The following TMEM263 variants were observed in gnomAD, a reference collection of about 807,000 sequenced individuals.
TMEM263 encodes transmembrane protein 263.
In TMEM263, 5 loss-of-function variants were observed where a neutral mutation model predicts 8.6. The ratio of observed to expected loss-of-function variants is 0.58; its 90% confidence interval spans 0.31 to 1.23. The LOEUF is 1.23. TMEM263 is among the 50% of genes most tolerant of loss of function. The pLI is 0.07. For synonymous variants in TMEM263, 50 were observed against 47.9 expected (o/e 1.04, Z -0.18); for missense variants, 104 against 138.8 (o/e 0.75, Z 1.26).
chr12:106,964,716 T>G (rs1951821039), intron 2 of TMEM263, among the ~76,000 whole-genome samples: 1 of 152,230 alleles, frequency 6.6e-6, no homozygotes, highest in South Asian at 2.1e-4. Flanking sequence ...ATTAAACACA[T>G]GTGCTGCTGG....
At chr12:106,964,645 T>TA (rs1951819978) in intron 2 of TMEM263, among the ~76,000 whole-genome samples, 1 of 152,224 alleles carries the variant, frequency 6.6e-6, no homozygotes, top group Admixed American at 6.5e-5. Context: ...CAGGATAAGA[T>TA]TAGGTGCCAT....
chr12:106,966,941 A>G (rs1951854875), intron 2 of TMEM263, 170 bp from the exon 3 acceptor site: 1 of 562,052 alleles, frequency 1.8e-6, no homozygotes, highest in South Asian at 2.2e-5. Flanking sequence ...AGTATTTATT[A>G]AATGCCGCAG....
intron 2 of TMEM263, 100 bp downstream of exon 2, chr12:106,957,249 AAAAG>A (rs1951711239): frequency 1.2e-6 from 1 of 833,912 alleles, no homozygotes. Flanking sequence ...TAACTTTTTA[AAAAG>A]AAAGGGAGAA....
At position 106,973,108 on chromosome 12, in the gene TMEM263, C is replaced by T. The variant is rs1316608465; in HGVS notation, c.*1717C>T. On this transcript the variant is annotated 3_prime_UTR_variant, in exon 4 of 4. Coordinates refer to ENST00000280756, the MANE Select transcript of TMEM263 (RefSeq NM_152261.4). ...AATCTACAAAGGTTCTTGAACCTTTCTATTATATACAAAACTGAAAAGTCA... is the reference window on the plus strand; with the variant it reads ...AATCTACAAAGGTTCTTGAACCTTTTTATTATATACAAAACTGAAAAGTCA... The T allele has an allele frequency of 6.6e-6, 1 of 151,928 alleles. No individual in the cohort carries two copies. Among genetic ancestry groups the T allele is most frequent in the Non-Finnish European group, 1.5e-5 (1 of 67,954 alleles). The allele number at this position is 151,928 out of a possible 1,614,324, so 9.4% of individuals were successfully genotyped here. A position where few individuals can be genotyped will look rare whatever the true frequency, so the allele number is the denominator to read the frequency against.
chr12:106,962,094 C>G (rs1443100534), intron 2 of TMEM263, among the ~76,000 whole-genome samples: 1 of 151,968 alleles, frequency 6.6e-6, no homozygotes, highest in Non-Finnish European at 1.5e-5. Flanking sequence ...ATTAACTATG[C>G]ATATTTCTAT....
rs1221696607 is a variant in TMEM263, at chr12:106,973,390, T to C, written c.*1999T>C. The C allele has an allele frequency of 6.6e-6, 1 of 152,632 alleles. No homozygotes were observed. Among genetic ancestry groups the C allele is most frequent in the Non-Finnish European group, 1.5e-5 (1 of 68,014 alleles). 9.5% of individuals were successfully genotyped at this position (152,632 alleles called of 1,614,324 possible). A position where few individuals can be genotyped will look rare whatever the true frequency, so the allele number is the denominator to read the frequency against. On this transcript the variant is annotated 3_prime_UTR_variant, in exon 4 of 4. Coordinates refer to ENST00000280756, the MANE Select transcript of TMEM263 (RefSeq NM_152261.4). ...GACTCCACTGTGCTTTGTGTCTGAA[T>C]TTCTCAGTATAGACATTTTGTTTAC... is the stretch of plus-strand genomic sequence containing the variant.
At chr12:106,962,396 T>G (rs1040455493) in intron 2 of TMEM263, among the ~76,000 whole-genome samples, 4 of 152,240 alleles carry the variant, frequency 2.6e-5, no homozygotes, top group Non-Finnish European at 5.9e-5. Context: ...GCATAATGTA[T>G]GTCTTTTGGA....
intron 2 of TMEM263, among the ~76,000 whole-genome samples, chr12:106,961,112 T>G (rs1951769593): frequency 6.6e-6 from 1 of 152,174 alleles, no homozygotes; most frequent in South Asian, 2.1e-4. Context: ...TGGAGTGCAA[T>G]GGCATGATCA....
chr12:106,965,676 A>T (rs1232743151), intron 2 of TMEM263, among the ~76,000 whole-genome samples: 1 of 151,608 alleles, frequency 6.6e-6, no homozygotes, highest in Non-Finnish European at 1.5e-5. Flanking sequence ...TCTCCATAGC[A>T]TATAAATACC....
At chr12:106,958,998 G>A (rs1295736815) in intron 2 of TMEM263, among the ~76,000 whole-genome samples, 1 of 152,224 alleles carries the variant, frequency 6.6e-6, no homozygotes, top group Non-Finnish European at 1.5e-5. Context: ...TTTGTTTCTT[G>A]AATGATTCAC....
chr12:106,967,543 G>T, intron 3 of TMEM263: 1 of 169,728 alleles, frequency 5.9e-6, no homozygotes, highest in Non-Finnish European at 1.2e-5. Flanking sequence ...TTATAGGCGT[G>T]AGCCACCACT....
intron 2 of TMEM263, among the ~76,000 whole-genome samples, chr12:106,962,525 A>G (rs1951792585): frequency 2.0e-5 from 3 of 152,200 alleles, no homozygotes; most frequent in South Asian, 2.1e-4. Context: ...GAGCTGGCCA[A>G]TTAAGGCTGT....
chr12:106,967,246 T>G (rs1951859061), intron 3 of TMEM263, 66 bp downstream of exon 3: 1 of 1,048,132 alleles, frequency 9.5e-7, no homozygotes, highest in Admixed American at 2.5e-5. Context: ...ATAGTTTTTA[T>G]TTTTTACTTA....
intron 2 of TMEM263, among the ~76,000 whole-genome samples, chr12:106,959,976 T>G (rs1470708606): frequency 6.6e-6 from 1 of 152,218 alleles, no homozygotes. Context: ...TAGAGGAATT[T>G]TGATACAACA....
In TMEM263 at chr12:106,971,120, A is replaced by G. The variant is rs766558213; in HGVS notation, c.80A>G (p.His27Arg). The change falls in exon 4 of 4, where the codon CAC becomes CGC. Residue 27 changes from histidine (H) to arginine (R), a missense_variant. By Grantham distance (29) the His-to-Arg change is conservative. Transcript: ENST00000280756. ...CTCTCATTAGGTTCAATGAAAGATC[A>G]CCCACAGCAGCAGCCAGGCATGTTG... ...DEPPEGSMKD[H>R]PQQQPGMLSR... 6.2e-7 allele frequency: 1 copy of G among 1,614,114 alleles called. No individual in the cohort carries two copies. Among genetic ancestry groups the G allele is most frequent in the South Asian group, 1.1e-5 (1 of 91,042 alleles).
At chr12:106,961,591 G>A (rs1951778938) in intron 2 of TMEM263, among the ~76,000 whole-genome samples, 1 of 151,994 alleles carries the variant, frequency 6.6e-6, no homozygotes, top group African/African-American at 2.4e-5. Flanking sequence ...AAGCTTCCAG[G>A]AAGCCAAAGA....
At chr12:106,956,719 C>G (rs1951697821) in intron 1 of TMEM263, 1 of 152,432 alleles carries the variant, frequency 6.6e-6, no homozygotes, top group African/African-American at 2.4e-5. Flanking sequence ...GCTCCCACTT[C>G]CAATCAGATC....
rs1951935692 is a variant in TMEM263, at chr12:106,972,448, GACTT to G, written c.*1061_*1064del. The G allele has an allele frequency of 6.6e-6, 1 of 152,084 alleles. No individual in the cohort carries two copies. The highest frequency in any genetic ancestry group is 2.4e-5 in the African/African-American group (1 of 41,432). 9.4% of individuals were successfully genotyped at this position (152,084 alleles called of 1,614,324 possible). On this transcript the variant is annotated 3_prime_UTR_variant, in exon 4 of 4. Coordinates refer to ENST00000280756, the MANE Select transcript of TMEM263 (RefSeq NM_152261.4). ...GTAAAAGTAACCACAAATATGTGAG[GACTT>G]ACTATTTTAAATGGAATGGAATGAG...
intron 2 of TMEM263, among the ~76,000 whole-genome samples, chr12:106,958,614 CTTA>C: frequency 1.3e-5 from 2 of 152,326 alleles, no homozygotes; most frequent in East Asian, 3.9e-4. Flanking sequence ...GTCACAATTT[CTTA>C]AAAACCCACT....
Sources: allele counts gnomAD v4.1 joint callset (sites outside exome capture counted in the v4.1 genomes callset), GRCh38; gene constraint gnomAD v4.1.1; transcripts MANE v1.5; gene names NCBI Gene and HGNC (gene_info 2026-07-23, HGNC 2026-07-21).